RPGR: variants seen among roughly 807,000 people sequenced by gnomAD.
The protein encoded by RPGR is retinitis pigmentosa GTPase regulator.
In RPGR, 10 loss-of-function variants were observed where a neutral mutation model predicts 56.3. The ratio of observed to expected loss-of-function variants is 0.18; its 90% CI spans 0.11 to 0.30. The LOEUF (loss-of-function observed/expected upper bound fraction) is 0.30, where lower values mean the gene tolerates loss of function less well. RPGR is among the 10% of genes least tolerant of loss of function. The pLI is 1.00. For synonymous variants in RPGR, 197 were observed against 212.9 expected (o/e 0.93, Z 0.65); for missense variants, 538 against 590.9 (o/e 0.91, Z 0.93).
chrX:38,293,680 G>T (rs1181477804), intron 11 of RPGR, among the ~76,000 whole-genome samples: 2 of 111,636 alleles, frequency 1.8e-5, no homozygotes, highest in African/African-American at 6.5e-5. Context: ...TGAGAAAACA[G>T]AAGTGATCAT....
At chrX:38,292,708 A>G (rs1364095471) in intron 11 of RPGR, among the ~76,000 whole-genome samples, 1 of 112,571 alleles carries the variant, frequency 8.9e-6, no homozygotes, top group Non-Finnish European at 1.9e-5. Flanking sequence ...TAGCAATTGC[A>G]ATTTTGTTGT....
rs1221532756 is a variant in RPGR at position 38,297,417 on chromosome X, T to C, written c.1281A>G (p.Thr427=). The C allele has an allele frequency of 1.2e-5, 15 of 1,209,520 alleles. No individual in the cohort carries two copies. The East Asian group carries it at 4.4e-4, about 36-fold the overall frequency. Reference sequence around the variant, plus strand: ...CAAGAGTCCCTTCTATTGGAGGTAGTGTTCTCCTCATTGAAAAAGAATCTG... The same window carrying C: ...CAAGAGTCCCTTCTATTGGAGGTAGCGTTCTCCTCATTGAAAAAGAATCTG... The change falls in exon 11 of 19, where the codon ACA becomes ACG. Residue 427 remains threonine (T), a synonymous_variant. Transcript: ENST00000642395.
At chrX:38,317,575 T>A (rs750277264) in intron 5 of RPGR, 110 bp from the exon 6 acceptor site, 2 of 681,129 alleles carry the variant, frequency 2.9e-6, no homozygotes, top group Non-Finnish European at 4.4e-6. Context: ...AAATTATGTA[T>A]CTTAACAATA....
At chrX:38,276,206 G>C (rs896109817) in intron 16 of RPGR, among the ~76,000 whole-genome samples, 1 of 111,432 alleles carries the variant, frequency 9.0e-6, no homozygotes, top group African/African-American at 3.3e-5. Context: ...ACATACACAG[G>C]TGTGTGTACA....
rs1193858680 is a variant in RPGR at position 38,269,539 on chromosome X, C to T, written c.*87G>A. On this transcript the variant is annotated 3_prime_UTR_variant, in exon 19 of 19. Transcript: ENST00000642395. ...TAAGTCTTATATCTTTTAAAGACTA[C>T]TATCAGAAACTTTACTTCATAAGTT... 1 of 658,794 alleles carries T rather than the reference C, an allele frequency of 1.5e-6. No homozygotes were observed. The highest frequency in any genetic ancestry group is 3.5e-5 in the East Asian group (1 of 28,835). 54.3% of individuals were successfully genotyped at this position (658,794 alleles called of 1,213,427 possible).
Position 38,327,387 on chromosome X carries a change from G to T in RPGR, c.-20C>A. ...CCTCATGCCACGGGCAGTACGGGCA[G>T]CCTGCGCCGGGGCCAGGAGGCTGTA... is the stretch of plus-strand genomic sequence containing the variant. On this transcript the variant is annotated 5_prime_UTR_variant, in exon 1 of 19. The change creates a new upstream start codon in the 5' untranslated region. Coordinates refer to ENST00000642395, the MANE Select transcript of RPGR (RefSeq NM_000328.3). The T allele has an allele frequency of 8.5e-7, 1 of 1,178,900 alleles. No homozygotes were observed. Among genetic ancestry groups the T allele is most frequent in the Non-Finnish European group, 1.1e-6 (1 of 879,154 alleles).
intron 15 of RPGR, chrX:38,284,957 G>C: frequency 1.3e-6 from 1 of 755,468 alleles, no homozygotes; most frequent in Non-Finnish European, 1.6e-6. Flanking sequence ...TCTAAGCTCT[G>C]AACACAGCTG....
intron 7 of RPGR, among the ~76,000 whole-genome samples, chrX:38,308,503 G>A (rs1035507273): frequency 9.1e-6 from 1 of 110,066 alleles, no homozygotes; most frequent in African/African-American, 3.3e-5. Context: ...ATAATGAATG[G>A]TTAAAGACAC....
intron 11 of RPGR, among the ~76,000 whole-genome samples, chrX:38,294,960 T>C (rs962436955): frequency 1.8e-5 from 2 of 112,151 alleles, no homozygotes; most frequent in Admixed American, 1.9e-4. Flanking sequence ...TATATGGAGG[T>C]AGAAGTGATC....
chrX:38,269,872 A>T (rs2066805529), intron 18 of RPGR: 2 of 975,495 alleles, frequency 2.1e-6, no homozygotes, highest in Admixed American at 2.3e-5. Flanking sequence ...CATTTCCATA[A>T]GTGAAACATT....
At chrX:38,302,841 C>T (rs1455859744) in intron 8 of RPGR, among the ~76,000 whole-genome samples, 4 of 88,792 alleles carry the variant, frequency 4.5e-5, no homozygotes, top group Non-Finnish European at 8.5e-5. Flanking sequence ...GATGGGGTCT[C>T]GCTCTGTCAC....
At chrX:38,278,487 C>T (rs184166504) in intron 15 of RPGR, among the ~76,000 whole-genome samples, 23 of 112,405 alleles carry the variant, frequency 2.0e-4, no homozygotes, top group Admixed American at 1.4e-3. Flanking sequence ...GTGATCCTCC[C>T]GCCTTGGCCT....
At chrX:38,285,324 G>A in intron 15 of RPGR, 1 of 1,063,386 alleles carries the variant, frequency 9.4e-7, no homozygotes, top group Non-Finnish European at 1.2e-6. Context: ...AATTTGGGGG[G>A]GAAATACACG....
intron 6 of RPGR, among the ~76,000 whole-genome samples, chrX:38,313,475 T>C (rs1049958785): frequency 1.8e-5 from 2 of 112,125 alleles, no homozygotes; most frequent in African/African-American, 6.5e-5. Flanking sequence ...GGTTGTTTCA[T>C]AGGAATAACC....
chrX:38,309,542 G>GTT (rs2147259004), intron 7 of RPGR, among the ~76,000 whole-genome samples: 1 of 112,665 alleles, frequency 8.9e-6, no homozygotes, highest in East Asian at 2.8e-4. Context: ...AAATGTTAAG[G>GTT]TCAGGCCAGG....
rs768845421 is a variant in RPGR, at chrX:38,327,416, G to C, written c.-49C>G. 2 of 1,139,911 alleles carry C rather than the reference G, an allele frequency of 1.8e-6. No individual in the cohort carries two copies. The highest frequency in any genetic ancestry group is 3.6e-5 in the African/African-American group (2 of 55,133). The allele number at this position is 1,139,911 out of a possible 1,213,427, so 93.9% of individuals were successfully genotyped here. On this transcript the variant is annotated 5_prime_UTR_variant, in exon 1 of 19. Coordinates refer to ENST00000642395, the MANE Select transcript of RPGR (RefSeq NM_000328.3). ...GCGCCGGGGCCAGGAGGCTGTAGAGGACGGTTTGGTCGGGGCTAAAGCAGC... is the reference window on the plus strand; with the variant it reads ...GCGCCGGGGCCAGGAGGCTGTAGAGCACGGTTTGGTCGGGGCTAAAGCAGC...
At chrX:38,274,915 A>G (rs1328695134) in intron 17 of RPGR, among the ~76,000 whole-genome samples, 1 of 112,555 alleles carries the variant, frequency 8.9e-6, no homozygotes, top group Non-Finnish European at 1.9e-5. Context: ...ATAAGAACAG[A>G]TAAGTCTGTA....
intron 1 of RPGR, among the ~76,000 whole-genome samples, chrX:38,324,191 C>T (rs914390599): frequency 2.7e-5 from 3 of 111,814 alleles, no homozygotes; most frequent in African/African-American, 9.7e-5. Context: ...CCAAGCAATC[C>T]TCCCGCCTCA....
At chrX:38,271,832 G>A (rs997261566) in intron 18 of RPGR, among the ~76,000 whole-genome samples, 2 of 112,221 alleles carry the variant, frequency 1.8e-5, no homozygotes, top group African/African-American at 6.5e-5. Context: ...CACACATTTA[G>A]ACTGCTAAGG....
Sources: gnomAD v4.1 joint callset for allele counts (sites outside exome capture counted in the v4.1 genomes callset) on GRCh38, gnomAD v4.1.1 for gene constraint, MANE v1.5 for transcripts, NCBI Gene and HGNC (gene_info 2026-07-23, HGNC 2026-07-21) for gene names.